The following BRWD3 variants were observed in gnomAD, a reference collection of about 807,000 sequenced individuals.
BRWD3 encodes the protein bromodomain and WD repeat domain containing 3, also known as bromodomain and WD repeat-containing protein 3.
Under a neutral mutation model 149.7 loss-of-function variants are expected in BRWD3, and 10 were observed. That is an observed-to-expected ratio of 0.07 (90% CI 0.04 to 0.11). BRWD3 has a LOEUF of 0.11. Among genes scored for constraint, BRWD3 ranks in the 10% least tolerant of loss-of-function variants. The pLI, the probability that BRWD3 is intolerant of heterozygous loss-of-function variation, is 1.00. For synonymous variants in BRWD3, 504 were observed against 456.7 expected (o/e 1.10, Z -1.32); for missense variants, 940 against 1,373.2 (o/e 0.68, Z 4.99).
intron 6 of BRWD3, among the ~76,000 whole-genome samples, chrX:80,772,271 T>C: frequency 8.9e-6 from 1 of 111,866 alleles, no homozygotes; most frequent in African/African-American, 3.2e-5. Context: ...ATATATACCA[T>C]AGAATACTAT....
intron 6 of BRWD3, among the ~76,000 whole-genome samples, chrX:80,758,605 C>G (rs938945960): frequency 1.8e-5 from 2 of 110,752 alleles, no homozygotes; most frequent in African/African-American, 6.6e-5. Context: ...TTATCTCTCT[C>G]TGTGTAATTT....
chrX:80,692,903 T>G, intron 28 of BRWD3, 37 bp downstream of exon 28: 1 of 1,069,536 alleles, frequency 9.3e-7, no homozygotes, highest in Non-Finnish European at 1.3e-6. Flanking sequence ...ACTACTACAA[T>G]GTCATATTAG....
intron 37 of BRWD3, among the ~76,000 whole-genome samples, chrX:80,683,105 T>C (rs1422649768): frequency 4.5e-5 from 5 of 111,739 alleles, no homozygotes; most frequent in Non-Finnish European, 9.4e-5. Context: ...CTGGTTAGTA[T>C]AACATAAAAC....
chrX:80,716,824 C>T, intron 19 of BRWD3: 1 of 110,842 alleles, frequency 9.0e-6, no homozygotes, highest in Non-Finnish European at 1.9e-5. Context: ...ATTCTGCTTT[C>T]TATGTTTTGA....
At chrX:80,775,619 A>C (rs1190962510) in intron 6 of BRWD3, among the ~76,000 whole-genome samples, 1 of 111,732 alleles carries the variant, frequency 8.9e-6, no homozygotes, top group Non-Finnish European at 1.9e-5. Flanking sequence ...ACTAAAAAAC[A>C]CCTTTTACTT....
At chrX:80,788,499 T>C (rs754087199) in intron 6 of BRWD3, among the ~76,000 whole-genome samples, 33 of 111,725 alleles carry the variant, frequency 3.0e-4, no homozygotes, top group Non-Finnish European at 5.3e-4. Flanking sequence ...ATGGTGAGAA[T>C]GTGGGACAAC....
intron 6 of BRWD3, among the ~76,000 whole-genome samples, chrX:80,756,862 G>C (rs2073746794): frequency 9.0e-6 from 1 of 111,576 alleles, no homozygotes; most frequent in Admixed American, 9.5e-5. Context: ...ACACAAACAT[G>C]CACAAGGCTA....
intron 4 of BRWD3, among the ~76,000 whole-genome samples, chrX:80,802,023 C>A (rs1430086099): frequency 8.9e-6 from 1 of 112,085 alleles, no homozygotes; most frequent in Non-Finnish European, 1.9e-5. Flanking sequence ...CACTAAATAT[C>A]TTTTGACATA....
intron 6 of BRWD3, among the ~76,000 whole-genome samples, chrX:80,768,286 C>T (rs1349325053): frequency 9.0e-6 from 1 of 110,533 alleles, no homozygotes. Context: ...TGTCAGATTC[C>T]CCAAGGTTGA....
intron 4 of BRWD3, among the ~76,000 whole-genome samples, chrX:80,801,757 G>A (rs1053249493): frequency 9.0e-6 from 1 of 110,663 alleles, no homozygotes; most frequent in Admixed American, 9.6e-5. Context: ...CAGGAGAATG[G>A]CTTGAGCCCG....
chrX:80,776,647 T>C (rs746172159), intron 6 of BRWD3, among the ~76,000 whole-genome samples: 15 of 111,537 alleles, frequency 1.3e-4, no homozygotes, highest in South Asian at 3.8e-4. Flanking sequence ...ACAGGAAACA[T>C]TGTTTTTCCT....
chrX:80,707,297 G>A (rs960090034), intron 22 of BRWD3, 130 bp downstream of exon 22: 2 of 625,113 alleles, frequency 3.2e-6, no homozygotes, highest in Non-Finnish European at 5.0e-6. Context: ...CAGGTCTCTC[G>A]GCTTCCAGCC....
At chrX:80,800,408 G>A (rs764438594) in intron 4 of BRWD3, among the ~76,000 whole-genome samples, 2 of 107,198 alleles carry the variant, frequency 1.9e-5, no homozygotes, top group African/African-American at 6.8e-5. Flanking sequence ...CAGACATGAC[G>A]GTGCATGCCT....
At chrX:80,686,416 TATA>T (rs1204144548) in intron 35 of BRWD3, among the ~76,000 whole-genome samples, 1 of 105,244 alleles carries the variant, frequency 9.5e-6, no homozygotes, top group Non-Finnish European at 1.9e-5. Context: ...GAACTTAAAG[TATA>T]ATAAAATATA....
intron 25 of BRWD3, among the ~76,000 whole-genome samples, chrX:80,699,120 C>T (rs2072744237): frequency 9.1e-6 from 1 of 110,256 alleles, no homozygotes; most frequent in African/African-American, 3.3e-5. Context: ...GAGGCTGAGG[C>T]AGAAGAATCA....
At chrX:80,743,990 T>A in intron 8 of BRWD3, 42 bp downstream of exon 8, 1 of 1,068,503 alleles carries the variant, frequency 9.4e-7, no homozygotes. Flanking sequence ...AATTCTCACC[T>A]TTTTTACATA....
intron 25 of BRWD3, among the ~76,000 whole-genome samples, chrX:80,697,350 T>C (rs774030088): frequency 1.5e-3 from 163 of 111,223 alleles, no homozygotes; most frequent in African/African-American, 5.1e-3. Flanking sequence ...ATTCATGGGG[T>C]ACACGTGCAG....
chrX:80,720,700 T>C (rs1011457253), intron 17 of BRWD3, among the ~76,000 whole-genome samples: 1 of 112,116 alleles, frequency 8.9e-6, no homozygotes, highest in Non-Finnish European at 1.9e-5. Context: ...CAGTATTGTA[T>C]AGTAATGTTC....
chrX:80,743,919 G>T, intron 8 of BRWD3, 113 bp downstream of exon 8: 1 of 617,819 alleles, frequency 1.6e-6, no homozygotes, highest in Non-Finnish European at 2.5e-6. Flanking sequence ...GTCCAGAAGA[G>T]AGCATTTTTC....
Sources: gnomAD v4.1 joint callset for allele counts (sites outside exome capture counted in the v4.1 genomes callset) on GRCh38, gnomAD v4.1.1 for gene constraint, MANE v1.5 for transcripts, NCBI Gene and HGNC (gene_info 2026-07-23, HGNC 2026-07-21) for gene names.